VWA3B: variants seen among roughly 807,000 people sequenced by gnomAD.
The protein encoded by VWA3B is von Willebrand factor A domain-containing protein 3B.
A neutral mutation model predicts 158.3 loss-of-function variants in VWA3B; 138 were observed. That is an observed-to-expected ratio of 0.87 (90% CI 0.76 to 1.00). The LOEUF (loss-of-function observed/expected upper bound fraction) is 1.00, where lower values mean the gene tolerates loss of function less well. Ranked by LOEUF, VWA3B falls within the 50% of genes least tolerant of loss-of-function variation. VWA3B has a pLI of 0.00. For missense variants in VWA3B, 1,555 were observed against 1,565.1 expected (o/e 0.99, Z 0.11); for synonymous variants, 596 against 587.3 (o/e 1.01, Z -0.21).
At chr2:98,240,438 A>G (rs928456265) in intron 19 of VWA3B, among the ~76,000 whole-genome samples, 2 of 152,174 alleles carry the variant, frequency 1.3e-5, no homozygotes, top group African/African-American at 4.8e-5. Flanking sequence ...GGGCACATGT[A>G]TAAGTCTGGC....
At chr2:98,196,599 T>G (rs1682065850) in intron 12 of VWA3B, among the ~76,000 whole-genome samples, 1 of 152,100 alleles carries the variant, frequency 6.6e-6, no homozygotes, top group Non-Finnish European at 1.5e-5. Flanking sequence ...GCCTGCCCAG[T>G]AGTTGAGCGG....
rs1444684374 is a variant in VWA3B, at chr2:98,188,082, G to A, written c.1419G>A (p.Lys473=). Residue 473 remains lysine (K), a synonymous_variant, in exon 10 of 28, where the codon AAG becomes AAA. Transcript: ENST00000477737. ...VHVNITKEKC[K]WYSERIHTAL... ...TCAACATTACCAAAGAGAAGTGCAA[G>A]TGGTACAGTGAGAGAATCCACACAG... 1 of 1,614,020 alleles carries A rather than the reference G, an allele frequency of 6.2e-7. No homozygotes were observed. The highest frequency in any genetic ancestry group is 8.5e-7 in the Non-Finnish European group (1 of 1,179,946).
intron 9 of VWA3B, 100 bp downstream of exon 9, chr2:98,181,312 G>C: frequency 7.7e-7 from 1 of 1,301,686 alleles, no homozygotes; most frequent in Non-Finnish European, 1.1e-6. Context: ...GGGCAGCAGG[G>C]AGAGAAACCA....
chr2:98,252,656 C>G (rs1193804757), intron 20 of VWA3B, among the ~76,000 whole-genome samples: 1 of 152,158 alleles, frequency 6.6e-6, no homozygotes, highest in Admixed American at 6.5e-5. Context: ...CCCTTTCACT[C>G]CTGACTCTGC....
At chr2:98,274,156 T>C (rs1166635177) in intron 22 of VWA3B, among the ~76,000 whole-genome samples, 2 of 152,130 alleles carry the variant, frequency 1.3e-5, no homozygotes, top group South Asian at 2.1e-4. Context: ...ATACCTTATA[T>C]TGGACACAAA....
downstream of VWA3B, among the ~76,000 whole-genome samples, chr2:98,316,709 T>C (rs1397143220): frequency 6.6e-6 from 1 of 151,874 alleles, no homozygotes; most frequent in Non-Finnish European, 1.5e-5. Flanking sequence ...GGAGGGTGAT[T>C]AGATCATGGG....
At chr2:98,136,108 T>C (rs551140115) in intron 7 of VWA3B, among the ~76,000 whole-genome samples, 4 of 152,358 alleles carry the variant, frequency 2.6e-5, no homozygotes, top group African/African-American at 9.6e-5. Flanking sequence ...CCTGCTATTA[T>C]TGACTTTTTG....
chr2:98,227,451 G>T (rs1028008240), intron 14 of VWA3B, among the ~76,000 whole-genome samples: 3 of 152,176 alleles, frequency 2.0e-5, no homozygotes, highest in Non-Finnish European at 4.4e-5. Flanking sequence ...ATGCAAATGT[G>T]TGTAGCTTTA....
chr2:98,154,177 G>A (rs1677869819), intron 7 of VWA3B, among the ~76,000 whole-genome samples: 1 of 152,126 alleles, frequency 6.6e-6, no homozygotes, highest in African/African-American at 2.4e-5. Context: ...TCTTTCTACT[G>A]CTCTGACATA....
intron 20 of VWA3B, among the ~76,000 whole-genome samples, chr2:98,253,342 A>G (rs1214785590): frequency 1.3e-5 from 2 of 152,170 alleles, no homozygotes; most frequent in Admixed American, 1.3e-4. Flanking sequence ...AGGCAAATGG[A>G]AAGCTCACAG....
chr2:98,121,777 C>T (rs952295458), intron 5 of VWA3B, among the ~76,000 whole-genome samples: 1 of 151,946 alleles, frequency 6.6e-6, no homozygotes, highest in African/African-American at 2.4e-5. Flanking sequence ...AGGAGTGAGG[C>T]CATAGTTGTG....
intron 7 of VWA3B, among the ~76,000 whole-genome samples, chr2:98,146,874 T>C (rs1463935656): frequency 6.6e-6 from 1 of 152,226 alleles, no homozygotes; most frequent in Non-Finnish European, 1.5e-5. Flanking sequence ...CCAAGATGTA[T>C]GAAGGCGTGG....
At chr2:98,218,112 G>C in intron 14 of VWA3B, 84 bp downstream of exon 14, 2 of 1,400,372 alleles carry the variant, frequency 1.4e-6, no homozygotes, top group South Asian at 1.4e-5. Context: ...CCTTCGTTGG[G>C]AAAATAGCAA....
At chr2:98,322,973 A>G in the VWA3B span, among the ~76,000 whole-genome samples, 2 of 152,318 alleles carry the variant, frequency 1.3e-5, no homozygotes, top group East Asian at 1.9e-4. Flanking sequence ...AAGTGTACGA[A>G]AAACAACCAC....
intron 21 of VWA3B, among the ~76,000 whole-genome samples, chr2:98,266,864 T>C (rs1290305620): frequency 6.7e-6 from 1 of 149,244 alleles, no homozygotes; most frequent in Non-Finnish European, 1.5e-5. Flanking sequence ...TATTGGTGTA[T>C]AAGAATGCTT....
At chr2:98,199,086 CAA>C (rs35508873) in intron 12 of VWA3B, among the ~76,000 whole-genome samples, 1 of 143,884 alleles carries the variant, frequency 7.0e-6, no homozygotes, top group Non-Finnish European at 1.5e-5. Flanking sequence ...GACTCCGTCT[CAA>C]AAAAAAAAAA....
At chr2:98,148,415 G>A (rs1037222178) in intron 7 of VWA3B, among the ~76,000 whole-genome samples, 2 of 152,172 alleles carry the variant, frequency 1.3e-5, no homozygotes, top group African/African-American at 4.8e-5. Context: ...CGGGGGTCTT[G>A]TGTTTCTTAT....
In VWA3B at chr2:98,309,697, A is replaced by T. The variant is rs533421683; in HGVS notation, c.3522-2122A>T. On this transcript the variant is annotated intron_variant, in intron 26 of 27. Transcript: ENST00000477737. Reference sequence around the variant, plus strand: ...AATTAAGTCATTGATTGAAACTTCAAGATTCAGCTCTGCCTCTGACATTAC... The same window carrying T: ...AATTAAGTCATTGATTGAAACTTCATGATTCAGCTCTGCCTCTGACATTAC... Among the ~76,000 whole-genome samples, 185 of 152,324 alleles carry T rather than the reference A, an allele frequency of 1.2e-3. No individual in the cohort carries two copies. The Middle Eastern group carries it at 0.017, about 14-fold the overall frequency.
intron 2 of VWA3B, among the ~76,000 whole-genome samples, chr2:98,112,362 T>C (rs946524665): frequency 1.9e-4 from 29 of 151,976 alleles, no homozygotes; most frequent in African/African-American, 6.7e-4. Context: ...ACTGTATCCT[T>C]GTAGAATAGT....
Sources: allele counts gnomAD v4.1 joint callset (sites outside exome capture counted in the v4.1 genomes callset), GRCh38; gene constraint gnomAD v4.1.1; transcripts MANE v1.5; gene names NCBI Gene and HGNC (gene_info 2026-07-23, HGNC 2026-07-21).